Variants in TMEM218 observed in about 807,000 individuals in gnomAD.
TMEM218 encodes transmembrane protein 218.
Under a neutral mutation model 10.0 loss-of-function variants are expected in TMEM218, and 8 were observed. The observed-to-expected ratio is 0.80, with a 90% CI of 0.47 to 1.44. The LOEUF (loss-of-function observed/expected upper bound fraction) is 1.44, where lower values mean the gene tolerates loss of function less well. TMEM218 is among the 40% of genes most tolerant of loss of function. The pLI is 0.00. For missense variants in TMEM218, 110 were observed against 140.1 expected (o/e 0.79, Z 1.08); for synonymous variants, 66 against 63.5 (o/e 1.04, Z -0.18).
chr11:125,098,523 T>C (rs1460218818), intron 4 of TMEM218, among the ~76,000 whole-genome samples: 4 of 152,280 alleles, frequency 2.6e-5, no homozygotes, highest in Admixed American at 1.3e-4. Context: ...ATAGACCTAA[T>C]GGAGCAACAC....
At chr11:125,107,120 A>G (rs1202645856) in intron 1 of TMEM218, among the ~76,000 whole-genome samples, 1 of 152,218 alleles carries the variant, frequency 6.6e-6, no homozygotes, top group Non-Finnish European at 1.5e-5. Flanking sequence ...ATATGAGTCC[A>G]TTTATATAAT....
At position 125,097,884 on chromosome 11, in the gene TMEM218, G is replaced by A. The variant is rs1949915157; in HGVS notation, c.214-144C>T. The A allele has an allele frequency of 4.5e-5, 31 of 686,026 alleles. No homozygotes were observed. The South Asian group carries it at 6.9e-4, about 15-fold the overall frequency. The allele number at this position is 686,026 out of a possible 1,614,324, so 42.5% of individuals were successfully genotyped here. ...CCTGCCCTGAGTCTCCTCTGTACAT[G>A]AGAAAAAAGAATCTTTTCCTCAACT... is the stretch of plus-strand genomic sequence containing the variant. On this transcript the variant is annotated intron_variant, in intron 4 of 4. Coordinates refer to ENST00000682305, the MANE Select transcript of TMEM218 (RefSeq NM_001258244.2).
chr11:125,102,151 T>C lies in TMEM218; in HGVS notation c.91A>G (p.Arg31Gly). The change falls in exon 3 of 5, where the codon AGA becomes GGA. Residue 31 changes from arginine (R) to glycine (G), a missense_variant. Physicochemically the swap from Arg to Gly is moderately radical, Grantham distance 125. Transcript: ENST00000682305. The stretch of plus-strand genomic sequence containing the variant: ...CCTTACCTCGCCGCCCCGGAGGCTC[T>C]GGACAGCAGCACACACAGCAGCAGC... ...AVLLLCVLLSRASGAARFSVI... is the reference protein window; with the variant it reads ...AVLLLCVLLSGASGAARFSVI... 6.3e-7 allele frequency: 1 copy of C among 1,588,484 alleles called. No individual in the cohort carries two copies.
At chr11:125,097,828 G>A in intron 4 of TMEM218, 88 bp from the exon 5 acceptor site, 1 of 1,287,806 alleles carries the variant, frequency 7.8e-7, no homozygotes, top group Non-Finnish European at 1.1e-6. Flanking sequence ...TGGGCCAAGA[G>A]TTAGTTCATG....
intron 4 of TMEM218, among the ~76,000 whole-genome samples, chr11:125,100,079 T>C (rs1421359024): frequency 6.6e-6 from 1 of 152,228 alleles, no homozygotes; most frequent in Admixed American, 6.5e-5. Context: ...CTATTTCCCT[T>C]GGAGTTTAAT....
intron 1 of TMEM218, among the ~76,000 whole-genome samples, chr11:125,106,294 G>A (rs1333342835): frequency 2.0e-5 from 3 of 151,364 alleles, no homozygotes; most frequent in East Asian, 1.9e-4. Context: ...AAGCTATGAA[G>A]CAATATTAGT....
At chr11:125,109,033 G>A (rs760485491) in intron 1 of TMEM218, among the ~76,000 whole-genome samples, 15 of 152,156 alleles carry the variant, frequency 9.9e-5, no homozygotes, top group South Asian at 2.1e-4. Context: ...AAAGAGACAT[G>A]TACAAGGTGT....
rs1423295353 is a variant in TMEM218 at position 125,095,336 on chromosome 11, C to G, written c.*2270G>C. 6.6e-6 allele frequency among the ~76,000 whole-genome samples: 1 copy of G among 152,168 alleles called. No individual in the cohort carries two copies. Among genetic ancestry groups the G allele is most frequent in the African/African-American group, 2.4e-5 (1 of 41,434 alleles). On this transcript the variant is annotated 3_prime_UTR_variant, in exon 5 of 5. Transcript: ENST00000682305. Reference sequence around the variant, plus strand: ...TTCTGAACACTAAGATGACTTCTGTCTGTATTTAAGGAATGACCTCTGAGC... The same window carrying G: ...TTCTGAACACTAAGATGACTTCTGTGTGTATTTAAGGAATGACCTCTGAGC...
chr11:125,095,474 C>T lies in TMEM218; in HGVS notation c.*2132G>A, dbSNP rs11219897. Among the ~76,000 whole-genome samples, 12,038 of 152,226 alleles carry T rather than the reference C, an allele frequency of 0.079. 568 individuals are homozygous for T. The highest frequency in any genetic ancestry group is 0.12 in the African/African-American group (5,069 of 41,530). The stretch of plus-strand genomic sequence containing the variant: ...CATTTTGAGCCCTCTCAGCCTTCTA[C>T]GTCTTATCCCAACCCTGCGGGGCTT... On this transcript the variant is annotated 3_prime_UTR_variant, in exon 5 of 5. Transcript: ENST00000682305.
chr11:125,099,175 G>A (rs1007824863), intron 4 of TMEM218, among the ~76,000 whole-genome samples: 1 of 152,184 alleles, frequency 6.6e-6, no homozygotes, highest in Non-Finnish European at 1.5e-5. Context: ...GAGGTCCAAA[G>A]ACACCTCAGC....
At chr11:125,102,575 C>A in intron 2 of TMEM218, 159 bp downstream of exon 2, 10 of 1,343,252 alleles carry the variant, frequency 7.4e-6, no homozygotes, top group Non-Finnish European at 9.8e-6. Flanking sequence ...CTGAGTTCTA[C>A]TTTGACCTCT....
In TMEM218 at chr11:125,102,158, C is replaced by T. The variant is rs777158736; in HGVS notation, c.84G>A (p.Leu28=). 6.2e-7 allele frequency: 1 copy of T among 1,602,488 alleles called. No homozygotes were observed. The highest frequency in any genetic ancestry group is 1.3e-5 in the African/African-American group (1 of 74,318). ...LWVAVLLLCV[L]LSRASGAARF... is the part of the protein sequence containing the mutation. ...TCGCCGCCCCGGAGGCTCTGGACAGCAGCACACACAGCAGCAGCACTGCCA... is the reference window on the plus strand; with the variant it reads ...TCGCCGCCCCGGAGGCTCTGGACAGTAGCACACACAGCAGCAGCACTGCCA... The change falls in exon 3 of 5, where the codon CTG becomes CTA. Residue 28 remains leucine, a synonymous_variant. Transcript: ENST00000682305.
intron 4 of TMEM218, among the ~76,000 whole-genome samples, chr11:125,099,526 C>T (rs778340745): frequency 1.3e-5 from 2 of 152,280 alleles, no homozygotes; most frequent in South Asian, 2.1e-4. Flanking sequence ...GACAGACAAT[C>T]GAGGGATTGA....
In TMEM218 at chr11:125,097,651, A is replaced by T. The variant is rs778243494; in HGVS notation, c.303T>A (p.His101Gln). The T allele has an allele frequency of 6.2e-7, 1 of 1,614,070 alleles. No homozygotes were observed. Among genetic ancestry groups the T allele is most frequent in the African/African-American group, 1.3e-5 (1 of 74,938 alleles). The change falls in exon 5 of 5, where the codon CAT becomes CAA. Residue 101 changes from histidine to glutamine, a missense_variant. His to Gln is a conservative substitution (Grantham distance 24). Transcript: ENST00000682305. ...TGGCATAGATCGGCTCCAGAACATAATGGATTAAAACCAAGAAGAGGCCTC... is the reference window on the plus strand; with the variant it reads ...TGGCATAGATCGGCTCCAGAACATATTGGATTAAAACCAAGAAGAGGCCTC... ...FLGGLFLVLI[H>Q]YVLEPIYAKP...
rs1000608702 is a variant in TMEM218, at chr11:125,096,500, A to C, written c.*1106T>G. The C allele has an allele frequency of 6.6e-6, 1 of 151,824 alleles. No individual in the cohort carries two copies. Among genetic ancestry groups the C allele is most frequent in the African/African-American group, 2.4e-5 (1 of 41,362 alleles). The allele number at this position is 151,824 out of a possible 1,614,324, so 9.4% of individuals were successfully genotyped here. ...ATCTCTTTAAGCTTCCATTTTTTCTACTTTAAAGTGGGGATGATAAAAATG... is the reference window on the plus strand; with the variant it reads ...ATCTCTTTAAGCTTCCATTTTTTCTCCTTTAAAGTGGGGATGATAAAAATG... On this transcript the variant is annotated 3_prime_UTR_variant, in exon 5 of 5. Transcript: ENST00000682305.
chr11:125,109,567 C>T (rs1953194449), intron 1 of TMEM218, among the ~76,000 whole-genome samples: 1 of 152,112 alleles, frequency 6.6e-6, no homozygotes, highest in South Asian at 2.1e-4. Flanking sequence ...TTAAATTTTT[C>T]GTGATAATTT....
rs2135890494 is a variant in TMEM218 at position 125,106,172 on chromosome 11, T to C, written c.-152-3363A>G. ...ACACTGTGAATATACTTAACACTGC[T>C]GATCTGCACTCTTAAAAATGGTTAA... On this transcript the variant is annotated intron_variant, in intron 1 of 4. Transcript: ENST00000682305. Among the ~76,000 whole-genome samples the C allele has an allele frequency of 3.3e-5, 5 of 152,314 alleles. No homozygotes were observed. The South Asian group carries it at 1.0e-3, about 32-fold the overall frequency.
At position 125,102,957 on chromosome 11, in the gene TMEM218, C is replaced by T. The variant is rs551057599; in HGVS notation, c.-152-148G>A. The stretch of plus-strand genomic sequence containing the variant: ...ACAGGATGGGTAAGTGAGATATAAG[C>T]GCGATGGGGTATCTATTAGTTTCCT... On this transcript the variant is annotated intron_variant, in intron 1 of 4. Coordinates refer to ENST00000682305, the MANE Select transcript of TMEM218 (RefSeq NM_001258244.2). 1.5e-4 allele frequency: 38 copies of T among 261,800 alleles called. 2 individuals are homozygous for T. The Middle Eastern group carries it at 5.8e-3, about 40-fold the overall frequency. The allele number at this position is 261,800 out of a possible 1,614,324, so 16.2% of individuals were successfully genotyped here.
intron 1 of TMEM218, among the ~76,000 whole-genome samples, chr11:125,107,276 C>T (rs961989935): frequency 2.6e-5 from 4 of 152,052 alleles, no homozygotes; most frequent in Non-Finnish European, 2.9e-5. Flanking sequence ...TTTGTTCATA[C>T]GGTGATGTTG....
Sources: gnomAD v4.1 joint callset for allele counts (sites outside exome capture counted in the v4.1 genomes callset) on GRCh38, gnomAD v4.1.1 for gene constraint, MANE v1.5 for transcripts, NCBI Gene and HGNC (gene_info 2026-07-23, HGNC 2026-07-21) for gene names.